Variants in KCNMA1 observed in about 807,000 individuals in gnomAD.
KCNMA1 encodes the protein Calcium-activated potassium channel subunit alpha-1.
KCNMA1 carries 29 observed loss-of-function variants against 140.0 expected under a neutral mutation model. That is an observed-to-expected ratio of 0.21 (90% confidence interval 0.15 to 0.28). The LOEUF is 0.28. Ranked by LOEUF, KCNMA1 falls within the 10% of genes least tolerant of loss-of-function variation. The pLI, the probability that KCNMA1 is intolerant of heterozygous loss-of-function variation, is 1.00. For synonymous variants in KCNMA1, 612 were observed against 611.9 expected (o/e 1.00, Z 0.00); for missense variants, 880 against 1,602.2 (o/e 0.55, Z 7.70).
intron 13 of KCNMA1, among the ~76,000 whole-genome samples, chr10:77,076,431 A>C (rs1265600050): frequency 6.6e-6 from 1 of 152,228 alleles, no homozygotes; most frequent in Non-Finnish European, 1.5e-5. Flanking sequence ...TTTCTCTCCA[A>C]GAATTCTAGT....
chr10:77,616,885 G>A (rs1263026708), intron 1 of KCNMA1, among the ~76,000 whole-genome samples: 1 of 152,062 alleles, frequency 6.6e-6, no homozygotes, highest in African/African-American at 2.4e-5. Flanking sequence ...CTTTCCAAGT[G>A]AGTGAACTGA....
At chr10:77,208,978 T>C (rs941074387) in intron 3 of KCNMA1, among the ~76,000 whole-genome samples, 1 of 152,160 alleles carries the variant, frequency 6.6e-6, no homozygotes, top group Non-Finnish European at 1.5e-5. Context: ...GTGGGTAATT[T>C]CTCCTAAGTA....
chr10:77,414,828 A>T (rs2096704675), intron 1 of KCNMA1, among the ~76,000 whole-genome samples: 1 of 152,172 alleles, frequency 6.6e-6, no homozygotes, highest in African/African-American at 2.4e-5. Context: ...GAGATTGGGT[A>T]ATTTTCCAAG....
At chr10:77,634,389 A>G (rs2093525444) in intron 1 of KCNMA1, 1 of 985,350 alleles carries the variant, frequency 1.0e-6, no homozygotes, top group Non-Finnish European at 1.2e-6. Flanking sequence ...AAAGTCATTC[A>G]CTGTTTGAGA....
intron 25 of KCNMA1, among the ~76,000 whole-genome samples, chr10:76,906,945 T>C (rs995023579): frequency 6.6e-6 from 1 of 152,238 alleles, no homozygotes; most frequent in Non-Finnish European, 1.5e-5. Context: ...AATAATTTGA[T>C]AGGCATTTTG....
chr10:77,280,314 A>G (rs1048189454), intron 2 of KCNMA1, among the ~76,000 whole-genome samples: 3 of 152,242 alleles, frequency 2.0e-5, no homozygotes, highest in Non-Finnish European at 4.4e-5. Flanking sequence ...TATAGAAGTT[A>G]TTTTATAATT....
At chr10:77,249,718 A>G (rs2059330223) in intron 3 of KCNMA1, 2 of 152,228 alleles carry the variant, frequency 1.3e-5, no homozygotes, top group South Asian at 4.1e-4. Flanking sequence ...GGGGCTTTAG[A>G]GGATCTTCAG....
intron 1 of KCNMA1, among the ~76,000 whole-genome samples, chr10:77,499,399 G>A (rs1223011125): frequency 8.3e-6 from 1 of 120,180 alleles, no homozygotes; most frequent in East Asian, 2.5e-4. Context: ...TGCTCAGTAG[G>A]CATGTATATA....
intron 1 of KCNMA1, among the ~76,000 whole-genome samples, chr10:77,482,405 A>G (rs1170362045): frequency 1.3e-5 from 2 of 152,222 alleles, no homozygotes. Context: ...TTAGGGCATC[A>G]CAAAATCAGA....
At chr10:77,578,465 G>A (rs1312624164) in intron 1 of KCNMA1, among the ~76,000 whole-genome samples, 2 of 152,170 alleles carry the variant, frequency 1.3e-5, no homozygotes, top group Admixed American at 1.3e-4. Flanking sequence ...TCCTGTGGTA[G>A]GGATCAAATG....
intron 2 of KCNMA1, among the ~76,000 whole-genome samples, chr10:77,376,155 A>T (rs2095087808): frequency 6.6e-6 from 1 of 152,200 alleles, no homozygotes; most frequent in African/African-American, 2.4e-5. Context: ...GCCAAGAGAT[A>T]CAGGTAAGTA....
intron 1 of KCNMA1, among the ~76,000 whole-genome samples, chr10:77,527,225 A>G (rs1473616036): frequency 6.6e-6 from 1 of 152,220 alleles, no homozygotes; most frequent in South Asian, 2.1e-4. Flanking sequence ...CAGCTCCCAC[A>G]GGACGAACTG....
chr10:77,003,972 G>A (rs1281996615), intron 18 of KCNMA1, among the ~76,000 whole-genome samples: 1 of 152,110 alleles, frequency 6.6e-6, no homozygotes, highest in African/African-American at 2.4e-5. Context: ...TAGCCGTTCT[G>A]GCGACCATGC....
chr10:76,960,613 G>GT (rs1565204789), intron 20 of KCNMA1, among the ~76,000 whole-genome samples: 51 of 94,876 alleles, frequency 5.4e-4, no homozygotes, highest in South Asian at 1.1e-3. Context: ...AGATATTATG[G>GT]TTTTGTTTTT....
At chr10:76,971,650 A>G (rs2076117699) in intron 19 of KCNMA1, among the ~76,000 whole-genome samples, 1 of 152,086 alleles carries the variant, frequency 6.6e-6, no homozygotes. Flanking sequence ...GCTTCCTCTG[A>G]CACCCACCAG....
chr10:77,578,412 T>C (rs2074895850), intron 1 of KCNMA1, among the ~76,000 whole-genome samples: 1 of 152,080 alleles, frequency 6.6e-6, no homozygotes, highest in Non-Finnish European at 1.5e-5. Context: ...GGCCGGAAAA[T>C]CCCAGACATC....
rs749868208 is a variant in KCNMA1, at chr10:77,080,973, C to T, written c.1524-1423G>A. On this transcript the variant is annotated intron_variant, in intron 12 of 27. Transcript: ENST00000286628. ...CTAATAGAGAAAATGATGACTTAAA[C>T]GCTGGTTAAAAATAAGTGCCAAGGC... is the stretch of plus-strand genomic sequence containing the variant. Among the ~76,000 whole-genome samples the T allele has an allele frequency of 3.9e-5, 6 of 152,032 alleles. No individual in the cohort carries two copies. The South Asian group carries it at 1.0e-3, about 26-fold the overall frequency.
Position 77,108,473 on chromosome 10 carries a change from A to G in KCNMA1, c.1223+8T>C, listed in dbSNP as rs1317315595. 3 of 1,612,300 alleles carry G rather than the reference A, an allele frequency of 1.9e-6. No individual in the cohort carries two copies. Among genetic ancestry groups the G allele is most frequent in the African/African-American group, 2.7e-5 (2 of 74,908 alleles). On this transcript the variant is annotated splice_region_variant and intron_variant, in intron 9 of 27. Transcript: ENST00000286628. The surrounding 1 kb of genome is among the most constrained non-coding windows in gnomAD (Gnocchi z 4.6). ...AGCAGAGGCAGCAAAACCTCTTGGC[A>G]TACTTACTTTCTTCCACTAACCGCA...
intron 1 of KCNMA1, among the ~76,000 whole-genome samples, chr10:77,615,761 C>T (rs1464552453): frequency 6.6e-6 from 1 of 152,182 alleles, no homozygotes; most frequent in African/African-American, 2.4e-5. Context: ...CTGCCTCCAT[C>T]TTTAGCACTA....
Sources: gnomAD v4.1 joint callset for allele counts (sites outside exome capture counted in the v4.1 genomes callset) on GRCh38, gnomAD v4.1.1 for gene constraint, Gnocchi (gnomAD v3.1) non-coding constraint, MANE v1.5 for transcripts, NCBI Gene and HGNC (gene_info 2026-07-23, HGNC 2026-07-21) for gene names.